CFDP1: variants seen among roughly 807,000 people sequenced by gnomAD.
The protein encoded by CFDP1 is chromatin remodeling protein CFDP1.
CFDP1 carries 31 observed loss-of-function variants against 40.1 expected under a neutral mutation model. The ratio of observed to expected loss-of-function variants is 0.77; its 90% CI spans 0.58 to 1.04. The LOEUF (loss-of-function observed/expected upper bound fraction) is 1.04, where lower values mean the gene tolerates loss of function less well. Ranked by LOEUF, CFDP1 falls within the 50% of genes least tolerant of loss-of-function variation. The pLI is 0.00. For missense variants in CFDP1, 423 were observed against 343.4 expected, an observed-to-expected ratio of 1.23 and a Z score of -1.83; for synonymous variants, 167 against 120.0, an observed-to-expected ratio of 1.39 and a Z score of -2.56.
intron 6 of CFDP1, among the ~76,000 whole-genome samples, chr16:75,304,113 G>A (rs1040766988): frequency 6.6e-6 from 1 of 151,906 alleles, no homozygotes; most frequent in African/African-American, 2.4e-5. Flanking sequence ...CTGTCACCCA[G>A]GCTGGAGTGC....
At chr16:75,334,974 G>C in intron 5 of CFDP1, among the ~76,000 whole-genome samples, 1 of 151,462 alleles carries the variant, frequency 6.6e-6, no homozygotes, top group East Asian at 1.9e-4. Context: ...AAAAAGAAAA[G>C]AAAAAAAGAA....
intron 5 of CFDP1, among the ~76,000 whole-genome samples, chr16:75,383,351 C>T (rs2078866780): frequency 6.6e-6 from 1 of 152,198 alleles, no homozygotes; most frequent in Non-Finnish European, 1.5e-5. Flanking sequence ...CAGAACCCTT[C>T]AGGAAATAGC....
chr16:75,333,122 C>CTTTTTT (rs1281826055), intron 5 of CFDP1, among the ~76,000 whole-genome samples: 1 of 87,180 alleles, frequency 1.1e-5, no homozygotes, highest in Non-Finnish European at 2.4e-5. Context: ...TACTCATGTT[C>CTTTTTT]TTTTTTTTTT....
At chr16:75,408,131 AGAGGGAGGGAGG>A (rs1050316266) in intron 4 of CFDP1, among the ~76,000 whole-genome samples, 1 of 137,910 alleles carries the variant, frequency 7.3e-6, no homozygotes, top group African/African-American at 2.6e-5. Context: ...AGGAAGGGAG[AGAGGGAGGGAGG>A]GAGGGAAGGA....
intron 5 of CFDP1, among the ~76,000 whole-genome samples, chr16:75,394,199 G>A (rs4888404): frequency 0.52 from 78,770 of 152,066 alleles, 21,494 homozygotes; most frequent in Admixed American, 0.64. Context: ...GGAGTCAGGT[G>A]GGTAGTCAGG....
chr16:75,357,465 G>A (rs2078652546), intron 5 of CFDP1, among the ~76,000 whole-genome samples: 1 of 152,058 alleles, frequency 6.6e-6, no homozygotes, highest in South Asian at 2.1e-4. Flanking sequence ...ATATTGGCCA[G>A]GCTGGTCTCG....
chr16:75,364,804 T>A (rs1474038167), intron 5 of CFDP1, among the ~76,000 whole-genome samples: 1 of 152,244 alleles, frequency 6.6e-6, no homozygotes, highest in Non-Finnish European at 1.5e-5. Flanking sequence ...CTACTGTAAA[T>A]ATCAATAGGT....
At chr16:75,387,978 CACATCAGTT>C (rs2078913896) in intron 5 of CFDP1, among the ~76,000 whole-genome samples, 1 of 152,174 alleles carries the variant, frequency 6.6e-6, no homozygotes, top group Non-Finnish European at 1.5e-5. Flanking sequence ...CAAAGAGTCC[CACATCAGTT>C]ATGAAATTGA....
chr16:75,358,504 A>T (rs1187602032), intron 5 of CFDP1, among the ~76,000 whole-genome samples: 1 of 152,144 alleles, frequency 6.6e-6, no homozygotes, highest in East Asian at 1.9e-4. Flanking sequence ...ATTCTTAACT[A>T]GGTATCTTTT....
chr16:75,294,848 T>G (rs978431144), intron 6 of CFDP1, among the ~76,000 whole-genome samples: 2 of 152,166 alleles, frequency 1.3e-5, no homozygotes, highest in African/African-American at 4.8e-5. Flanking sequence ...ACTTTCCCTC[T>G]GTCCTCCAGG....
intron 1 of CFDP1, among the ~76,000 whole-genome samples, chr16:75,415,254 A>G (rs975989802): frequency 2.0e-5 from 3 of 152,224 alleles, no homozygotes; most frequent in Non-Finnish European, 4.4e-5. Context: ...AAGGGTCCCC[A>G]ACAAAAGAGT....
intron 4 of CFDP1, among the ~76,000 whole-genome samples, chr16:75,404,454 C>G (rs1334243010): frequency 3.3e-5 from 5 of 151,894 alleles, no homozygotes; most frequent in Non-Finnish European, 7.4e-5. Flanking sequence ...ATCTCCTGAC[C>G]CCATGATCCG....
Position 75,412,569 on chromosome 16 carries a change from G to C in CFDP1, c.368C>G (p.Pro123Arg). ...LWASFLNDVG[P>R]KSKVPPSTQV... ...TGTACTTGGGGGCACTTTTGATTTT[G>C]GTCCCACATCATTGAGGAAGCTGGC... The change falls in exon 3 of 7, where the codon CCA becomes CGA. Residue 123 changes from proline (P) to arginine (R), a missense_variant. Pro to Arg is a moderately radical substitution (Grantham distance 103, BLOSUM62 -2). Coordinates refer to ENST00000283882, the MANE Select transcript of CFDP1 (RefSeq NM_006324.3). 1.9e-6 allele frequency: 3 copies of C among 1,614,030 alleles called. No homozygotes were observed. Among genetic ancestry groups the C allele is most frequent in the Non-Finnish European group, 2.5e-6 (3 of 1,179,974 alleles).
intron 5 of CFDP1, among the ~76,000 whole-genome samples, chr16:75,371,124 C>T (rs1341736173): frequency 1.3e-5 from 2 of 152,186 alleles, no homozygotes; most frequent in Non-Finnish European, 2.9e-5. Context: ...TTGGGAACTA[C>T]TAACATTTTG....
At chr16:75,382,110 C>T (rs2078857375) in intron 5 of CFDP1, among the ~76,000 whole-genome samples, 1 of 148,574 alleles carries the variant, frequency 6.7e-6, no homozygotes, top group African/African-American at 2.5e-5. Context: ...AGTGAAACCC[C>T]TGTCTCAAAA....
chr16:75,394,333 GA>G (rs1444484287), intron 5 of CFDP1, among the ~76,000 whole-genome samples: 2 of 152,102 alleles, frequency 1.3e-5, no homozygotes, highest in Admixed American at 1.3e-4. Flanking sequence ...CTTCCAAAAA[GA>G]AAGAATTCTA....
chr16:75,296,113 T>C (rs983266792), intron 6 of CFDP1, among the ~76,000 whole-genome samples: 2 of 152,232 alleles, frequency 1.3e-5, no homozygotes, highest in African/African-American at 4.8e-5. Context: ...CTTGCTGTGC[T>C]GTTGTTCACC....
intron 5 of CFDP1, among the ~76,000 whole-genome samples, chr16:75,394,298 T>A (rs4888405): frequency 6.6e-6 from 1 of 151,972 alleles, no homozygotes; most frequent in Admixed American, 6.6e-5. Flanking sequence ...TTCTCACATT[T>A]AGGTTAAGAA....
chr16:75,313,247 G>C (rs1037375767), intron 5 of CFDP1, among the ~76,000 whole-genome samples: 3 of 152,228 alleles, frequency 2.0e-5, no homozygotes, highest in Non-Finnish European at 4.4e-5. Flanking sequence ...TAAAACATCT[G>C]TGGTGCTTGG....
Sources: gnomAD v4.1 joint callset for allele counts (sites outside exome capture counted in the v4.1 genomes callset) on GRCh38, gnomAD v4.1.1 for gene constraint, MANE v1.5 for transcripts, NCBI Gene and HGNC (gene_info 2026-07-23, HGNC 2026-07-21) for gene names.